The following XDH variants were observed in gnomAD, a reference collection of about 807,000 sequenced individuals.
The protein encoded by XDH is xanthine dehydrogenase/oxidase.
A neutral mutation model predicts 156.1 loss-of-function variants in XDH; 138 were observed. The observed-to-expected ratio is 0.88, with a 90% CI of 0.77 to 1.02. The LOEUF is 1.02. Among genes scored for constraint, XDH ranks in the 50% least tolerant of loss-of-function variants. The probability of loss-of-function intolerance (pLI) is 0.00; values close to 1 mark genes in which losing one functional copy is unlikely to be tolerated. For synonymous variants in XDH, 669 were observed against 625.7 expected, an observed-to-expected ratio of 1.07 and a Z score of -1.03; for missense variants, 1,849 against 1,684.9, an observed-to-expected ratio of 1.10 and a Z score of -1.71.
Position 31,343,877 on chromosome 2 carries a change from G to T in XDH, c.3404+807C>A, listed in dbSNP as rs564088580. 2.0e-5 allele frequency among the ~76,000 whole-genome samples: 3 copies of T among 148,100 alleles called. No individual in the cohort carries two copies. The East Asian group carries it at 5.9e-4, about 29-fold the overall frequency. ...ACGGAAAATAAATGTTTCATACAAA[G>T]AAATGTTTATACATATATATATTTA... On this transcript the variant is annotated intron_variant, in intron 31 of 35. Transcript: ENST00000379416.
Position 31,411,030 on chromosome 2 carries a change from A to C in XDH, c.42+3595T>G, listed in dbSNP as rs538052434. Among the ~76,000 whole-genome samples the C allele has an allele frequency of 3.3e-5, 5 of 152,296 alleles. No individual in the cohort carries two copies. The East Asian group carries it at 9.7e-4, about 29-fold the overall frequency. On this transcript the variant is annotated intron_variant, in intron 1 of 35. Coordinates refer to ENST00000379416, the MANE Select transcript of XDH (RefSeq NM_000379.4). ...CCAGGCGCGGTGGCTCACGCCTGTA[A>C]TACCAGCACTTTGGGAGGCCGAGGT...
chr2:31,334,942 T>A lies in XDH; in HGVS notation c.*1016A>T, dbSNP rs1484837394. 2.0e-5 allele frequency: 3 copies of A among 152,182 alleles called. No homozygotes were observed. Among genetic ancestry groups the A allele is most frequent in the African/African-American group, 7.2e-5 (3 of 41,434 alleles). 9.4% of individuals were successfully genotyped at this position (152,182 alleles called of 1,614,324 possible). ...AGGAGTGCAGTGGCGCAATCATAGC[T>A]CACTGCAGCCTCAACCTCCTGAGCT... On this transcript the variant is annotated 3_prime_UTR_variant, in exon 36 of 36. Coordinates refer to ENST00000379416, the MANE Select transcript of XDH (RefSeq NM_000379.4).
intron 29 of XDH, 99 bp downstream of exon 29, chr2:31,347,423 A>G: frequency 6.4e-7 from 1 of 1,572,082 alleles, no homozygotes; most frequent in Non-Finnish European, 8.7e-7. Flanking sequence ...AGAGCCAAAG[A>G]GCCTGCAAGG....
intron 24 of XDH, among the ~76,000 whole-genome samples, chr2:31,354,310 C>T (rs551329392): frequency 2.0e-5 from 3 of 152,172 alleles, no homozygotes; most frequent in African/African-American, 7.2e-5. Context: ...CTCAGAACAT[C>T]GTCATCACCA....
chr2:31,374,302 G>A (rs975358199), intron 15 of XDH, among the ~76,000 whole-genome samples: 9 of 152,160 alleles, frequency 5.9e-5, no homozygotes, highest in African/African-American at 2.2e-4. Context: ...TCAATTCTGT[G>A]GGAAGCATTT....
rs1474722813 is a variant in XDH, at chr2:31,375,438, A to C, written c.1544T>G (p.Phe515Cys). Residue 515 changes from phenylalanine to cysteine, a missense_variant, in exon 15 of 36, where the codon TTC (phenylalanine) becomes TGC (cysteine). Transcript: ENST00000379416. ...GACTGTCAGGTAGAACTTGAAGAAG[A>C]AGCTGAGGGTGAGGGTGCACCGGAA... The part of the protein sequence containing the change: ...VDFRCTLTLS[F>C]FFKFYLTVLQ... The C allele has an allele frequency of 1.9e-6, 3 of 1,614,192 alleles. No individual in the cohort carries two copies. The highest frequency in any genetic ancestry group is 2.2e-5 in the East Asian group (1 of 44,886).
intron 10 of XDH, 145 bp downstream of exon 10, chr2:31,383,610 G>A (rs573086244): frequency 5.2e-5 from 41 of 783,736 alleles, no homozygotes; most frequent in African/African-American, 2.2e-4. Flanking sequence ...GTCTCCTCCC[G>A]CCTTTCCCTG....
intron 24 of XDH, among the ~76,000 whole-genome samples, chr2:31,353,730 C>T (rs1280082362): frequency 1.3e-5 from 2 of 152,136 alleles, no homozygotes; most frequent in Non-Finnish European, 2.9e-5. Flanking sequence ...CACTTTTAGA[C>T]AATAAGTACC....
rs760064950 is a variant in XDH at position 31,346,765 on chromosome 2, T to G, written c.3351+4A>C. The G allele has an allele frequency of 2.5e-6, 4 of 1,614,096 alleles. No homozygotes were observed. Among genetic ancestry groups the G allele is most frequent in the Non-Finnish European group, 3.4e-6 (4 of 1,180,046 alleles). Reference sequence around the variant, plus strand: ...AAACGTGACTTGGATCAGCTCAGACTTACCCAGTCTTCCCAGGAGCCACTG... The same window carrying G: ...AAACGTGACTTGGATCAGCTCAGACGTACCCAGTCTTCCCAGGAGCCACTG... On this transcript the variant is annotated splice_donor_region_variant and intron_variant, in intron 30 of 35. Transcript: ENST00000379416.
chr2:31,381,956 G>A (rs1173382622), intron 11 of XDH, among the ~76,000 whole-genome samples: 1 of 152,182 alleles, frequency 6.6e-6, no homozygotes, highest in Non-Finnish European at 1.5e-5. Context: ...AATTTTAGCA[G>A]GCAAGCCCCT....
At chr2:31,343,423 ATG>A (rs1415849547) in intron 31 of XDH, among the ~76,000 whole-genome samples, 3 of 144,560 alleles carry the variant, frequency 2.1e-5, no homozygotes, top group African/African-American at 7.6e-5. Context: ...TGGCATAGAA[ATG>A]TTTTTTTGTG....
chr2:31,378,115 G>A (rs186620844), intron 13 of XDH, among the ~76,000 whole-genome samples: 5,677 of 32,380 alleles, frequency 0.18, 169 homozygotes, highest in Admixed American at 0.24. Context: ...AGAAAGGAAG[G>A]AAGGAAGGAA....
At chr2:31,367,138 G>A (rs960309459) in intron 20 of XDH, 144 bp from the exon 21 acceptor site, 4 of 1,411,546 alleles carry the variant, frequency 2.8e-6, no homozygotes, top group Non-Finnish European at 2.9e-6. Context: ...CCCACTTGGG[G>A]TGGAAAAGGA....
chr2:31,393,290 C>T (rs1451672708), intron 6 of XDH, among the ~76,000 whole-genome samples: 1 of 152,208 alleles, frequency 6.6e-6, no homozygotes, highest in South Asian at 2.1e-4. Context: ...ACCAGATTTG[C>T]CTCATGTATT....
chr2:31,356,376 A>G (rs1425443943), intron 24 of XDH, among the ~76,000 whole-genome samples: 1 of 152,248 alleles, frequency 6.6e-6, no homozygotes, highest in Non-Finnish European at 1.5e-5. Context: ...CTTATATGGC[A>G]AAATATGTGA....
intron 2 of XDH, 23 bp downstream of exon 2, chr2:31,405,884 C>A (rs759049064): frequency 6.2e-7 from 1 of 1,613,886 alleles, no homozygotes; most frequent in African/African-American, 1.3e-5. Context: ...TTCTCCGTCA[C>A]TCCCACTCCA....
chr2:31,397,712 T>C lies in XDH; in HGVS notation c.451A>G (p.Thr151Ala), dbSNP rs1222313143. The change falls in exon 6 of 36, where the codon ACA (threonine) becomes GCA (alanine). Residue 151 changes from threonine (T) to alanine (A), a missense_variant. Transcript: ENST00000379416. ...CCCTGGAGGATGGGTCTGTAGCCTG[T>C]GCAGCGGCACAGATTTCCTGTGGGC... ...NAFQGNLCRC[T>A]GYRPILQGFR... The C allele has an allele frequency of 6.2e-7, 1 of 1,614,196 alleles. No individual in the cohort carries two copies. The highest frequency in any genetic ancestry group is 1.1e-5 in the South Asian group (1 of 91,078).
At position 31,368,792 on chromosome 2, in the gene XDH, C is replaced by A. The variant is rs1244252638; in HGVS notation, c.1981-132G>T. 1.0e-5 allele frequency: 16 copies of A among 1,532,860 alleles called. No homozygotes were observed. The African/African-American group carries it at 1.8e-4, about 17-fold the overall frequency. 95.0% of individuals were successfully genotyped at this position (1,532,860 alleles called of 1,614,324 possible). ...AGCACACTTTAGGAATGCCCTAGGG[C>A]CTCTTAATTTCCTTATCCTACTGAT... On this transcript the variant is annotated intron_variant, in intron 18 of 35. Coordinates refer to ENST00000379416, the MANE Select transcript of XDH (RefSeq NM_000379.4).
In XDH at chr2:31,401,307, G is replaced by A. The variant is rs781664863; in HGVS notation, c.219C>T (p.Cys73=). The A allele has an allele frequency of 6.2e-6, 10 of 1,614,190 alleles. No individual in the cohort carries two copies. The highest frequency in any genetic ancestry group is 7.6e-6 in the Non-Finnish European group (9 of 1,180,024). ...GGTGCAAGGAGCAGATGGGGGCCAG[G>A]CAGGCATTGGCAGAAAAGTGGCTAG... The part of the protein sequence containing the change: ...NKIVHFSANA[C]LAPICSLHHV... The change falls in exon 4 of 36, where the codon TGC becomes TGT. Residue 73 remains cysteine, a synonymous_variant. Coordinates refer to ENST00000379416, the MANE Select transcript of XDH (RefSeq NM_000379.4).
Sources: allele counts gnomAD v4.1 joint callset (sites outside exome capture counted in the v4.1 genomes callset), GRCh38; gene constraint gnomAD v4.1.1; transcripts MANE v1.5; gene names NCBI Gene and HGNC (gene_info 2026-07-23, HGNC 2026-07-21).